Variants in MACROD2 observed in about 807,000 individuals in gnomAD.
The protein encoded by MACROD2 is mono-ADP ribosylhydrolase 2.
A neutral mutation model predicts 70.4 loss-of-function variants in MACROD2; 36 were observed. The observed-to-expected ratio is 0.51, with a 90% CI of 0.39 to 0.68. The LOEUF (loss-of-function observed/expected upper bound fraction) is 0.68. Ranked by LOEUF, MACROD2 falls within the 30% of genes least tolerant of loss-of-function variation. The pLI, the probability that MACROD2 is intolerant of heterozygous loss-of-function variation, is 0.00. For synonymous variants in MACROD2, 172 were observed against 178.8 expected, an observed-to-expected ratio of 0.96 and a Z score of 0.30; for missense variants, 496 against 538.4, an observed-to-expected ratio of 0.92 and a Z score of 0.78.
Position 15,134,481 on chromosome 20 carries a change from G to A in MACROD2, c.419-95459G>A, listed in dbSNP as rs188893428. Among the ~76,000 whole-genome samples the A allele has an allele frequency of 4.2e-3, 634 of 152,076 alleles. 5 individuals are homozygous for A. Among genetic ancestry groups the A allele is most frequent in the Non-Finnish European group, 7.7e-3 (524 of 67,968 alleles). Reference sequence around the variant, plus strand: ...CCTGAATCACTACTGGGTACATAACGAAATGAAGGCAGAAATAAAGATGTT... The same window carrying A: ...CCTGAATCACTACTGGGTACATAACAAAATGAAGGCAGAAATAAAGATGTT... On this transcript the variant is annotated intron_variant, in intron 5 of 17. Transcript: ENST00000684519.
chr20:14,249,128 G>GTT (rs1173672516), intron 3 of MACROD2, among the ~76,000 whole-genome samples: 1,502 of 102,608 alleles, frequency 0.015, 33 homozygotes, highest in African/African-American at 0.053. Context: ...GATTTCAAAG[G>GTT]TTTTTTTTTT....
At chr20:14,575,033 AAAAAAAAAAT>A (rs780337554) in intron 4 of MACROD2, among the ~76,000 whole-genome samples, 18 of 137,284 alleles carry the variant, frequency 1.3e-4, no homozygotes, top group Middle Eastern at 3.3e-3. Flanking sequence ...AAAAAAAAAA[AAAAAAAAAAT>A]ATTCACAAAG....
chr20:15,568,712 G>C (rs1033475257), intron 8 of MACROD2, among the ~76,000 whole-genome samples: 1 of 152,166 alleles, frequency 6.6e-6, no homozygotes, highest in Non-Finnish European at 1.5e-5. Context: ...TCTCACAGGA[G>C]ATATGTGCTC....
chr20:14,315,705 C>T (rs1450110189), intron 3 of MACROD2, among the ~76,000 whole-genome samples: 1 of 152,098 alleles, frequency 6.6e-6, no homozygotes, highest in African/African-American at 2.4e-5. Context: ...CCATTATAGA[C>T]AAACAAAACC....
chr20:14,132,087 C>T (rs1036470036), intron 3 of MACROD2, among the ~76,000 whole-genome samples: 9 of 147,208 alleles, frequency 6.1e-5, no homozygotes, highest in East Asian at 2.0e-4. Flanking sequence ...GCCAAGATCA[C>T]GCCACTGCAC....
At chr20:15,658,580 A>G (rs2049768911) in intron 8 of MACROD2, among the ~76,000 whole-genome samples, 1 of 152,222 alleles carries the variant, frequency 6.6e-6, no homozygotes, top group African/African-American at 2.4e-5. Flanking sequence ...TGGATGACCC[A>G]TAGACAGACC....
At chr20:15,548,095 C>T (rs2048048490) in intron 8 of MACROD2, among the ~76,000 whole-genome samples, 1 of 152,162 alleles carries the variant, frequency 6.6e-6, no homozygotes, top group Non-Finnish European at 1.5e-5. Context: ...CTTCCTCCAT[C>T]CATTCATCCA....
At chr20:15,141,033 C>T (rs534042414) in intron 5 of MACROD2, among the ~76,000 whole-genome samples, 35 of 152,222 alleles carry the variant, frequency 2.3e-4, no homozygotes, top group Non-Finnish European at 5.0e-4. Context: ...TATAGATATA[C>T]ATGTGTTTGC....
intron 9 of MACROD2, among the ~76,000 whole-genome samples, chr20:15,863,774 G>A (rs1024340431): frequency 2.1e-4 from 32 of 152,174 alleles, no homozygotes; most frequent in African/African-American, 7.7e-4. Context: ...ACAATAAAGA[G>A]GATGCCTTGC....
At chr20:15,250,590 T>G (rs1161236109) in intron 6 of MACROD2, among the ~76,000 whole-genome samples, 5 of 152,210 alleles carry the variant, frequency 3.3e-5, no homozygotes, top group Non-Finnish European at 7.3e-5. Flanking sequence ...TTTTTCTTCT[T>G]GTTTATCATT....
At chr20:15,392,826 C>T (rs2146295930) in intron 6 of MACROD2, among the ~76,000 whole-genome samples, 1 of 151,718 alleles carries the variant, frequency 6.6e-6, no homozygotes, top group South Asian at 2.1e-4. Context: ...TTTTTTCCTT[C>T]TAGAGTAAAT....
rs557535465 is a variant in MACROD2, at chr20:14,718,292, C to CAAAAAAAAACAA, written c.418+33342_418+33343insCAAAAAAAAAAA. Among the ~76,000 whole-genome samples the CAAAAAAAAACAA allele has an allele frequency of 7.5e-4, 41 of 54,640 alleles. 2 individuals are homozygous for CAAAAAAAAACAA. The highest frequency in any genetic ancestry group is 1.7e-3 in the Admixed American group (5 of 2,944). The allele number at this position is 54,640 out of a possible 152,430, so 35.8% of individuals were successfully genotyped here. A position where few individuals can be genotyped will look rare whatever the true frequency, so the allele number is the denominator to read the frequency against. On this transcript the variant is annotated intron_variant, in intron 5 of 17. Coordinates refer to ENST00000684519, the MANE Select transcript of MACROD2 (RefSeq NM_001351661.2). ...TGGGCGACAGAGAGAGACTCTGTCT[C>CAAAAAAAAACAA]AAAAAAAAAAAAAAAAAAAAAAAAA... is the stretch of plus-strand genomic sequence containing the variant.
At chr20:14,841,409 A>C (rs960916825) in intron 5 of MACROD2, among the ~76,000 whole-genome samples, 10 of 152,186 alleles carry the variant, frequency 6.6e-5, no homozygotes, top group Non-Finnish European at 1.5e-4. Flanking sequence ...CACCGTCTTC[A>C]CTGTCATGGA....
intron 6 of MACROD2, among the ~76,000 whole-genome samples, chr20:15,410,743 C>T (rs1007293993): frequency 1.2e-4 from 18 of 151,954 alleles, no homozygotes; most frequent in African/African-American, 3.6e-4. Flanking sequence ...GATGTTCCTC[C>T]ATCTGCAAGC....
chr20:15,937,650 T>C (rs2065685809), intron 12 of MACROD2, 106 bp downstream of exon 12: 1 of 958,342 alleles, frequency 1.0e-6, no homozygotes, highest in Non-Finnish European at 1.6e-6. Context: ...AACTAGGTTT[T>C]CTTAAGTGTC....
At chr20:14,729,990 A>T (rs1435598601) in intron 5 of MACROD2, among the ~76,000 whole-genome samples, 1 of 152,178 alleles carries the variant, frequency 6.6e-6, no homozygotes, top group Non-Finnish European at 1.5e-5. Flanking sequence ...GGAGAATCAA[A>T]TAGAAAATTA....
At chr20:15,715,227 TA>T (rs35654243) in intron 8 of MACROD2, among the ~76,000 whole-genome samples, 14,290 of 151,658 alleles carry the variant, frequency 0.094, 797 homozygotes, top group Non-Finnish European at 0.12. Flanking sequence ...TTAGTGTGAT[TA>T]AAAAAAAATC....
intron 3 of MACROD2, among the ~76,000 whole-genome samples, chr20:14,268,357 A>G (rs2082161715): frequency 6.6e-6 from 1 of 152,158 alleles, no homozygotes; most frequent in Non-Finnish European, 1.5e-5. Flanking sequence ...TGGTATCCAA[A>G]CAAATATCAC....
intron 7 of MACROD2, among the ~76,000 whole-genome samples, chr20:15,486,009 T>C (rs185803525): frequency 9.2e-5 from 14 of 152,358 alleles, no homozygotes; most frequent in Admixed American, 2.6e-4. Flanking sequence ...AAATCCACTG[T>C]ATAGCAATTT....
Sources: gnomAD v4.1 joint callset for allele counts (sites outside exome capture counted in the v4.1 genomes callset) on GRCh38, gnomAD v4.1.1 for gene constraint, MANE v1.5 for transcripts, NCBI Gene and HGNC (gene_info 2026-07-23, HGNC 2026-07-21) for gene names.